PSTPIP2: variants seen among roughly 807,000 people sequenced by gnomAD.
The protein encoded by PSTPIP2 is proline-serine-threonine phosphatase interacting protein 2.
PSTPIP2 carries 33 observed loss-of-function variants against 63.3 expected under a neutral mutation model. That is an observed-to-expected ratio of 0.52 (90% CI 0.40 to 0.70). The LOEUF is 0.70. Among genes scored for constraint, PSTPIP2 ranks in the 30% least tolerant of loss-of-function variants. PSTPIP2 has a pLI of 0.00. For missense variants in PSTPIP2, 312 were observed against 400.7 expected, an observed-to-expected ratio of 0.78 and a Z score of 1.89; for synonymous variants, 125 against 132.7, an observed-to-expected ratio of 0.94 and a Z score of 0.40.
rs538783047 is a variant in PSTPIP2, at chr18:46,063,507, G to C, written c.33+8649C>G. Reference sequence around the variant, plus strand: ...GCACACACATTCTTTGGCTTGAAAGGAGCCAAACTGGGAATCAAACCCGGG... The same window carrying C: ...GCACACACATTCTTTGGCTTGAAAGCAGCCAAACTGGGAATCAAACCCGGG... On this transcript the variant is annotated intron_variant, in intron 1 of 14. Coordinates refer to ENST00000409746, the MANE Select transcript of PSTPIP2 (RefSeq NM_024430.4). 2.0e-5 allele frequency among the ~76,000 whole-genome samples: 3 copies of C among 152,160 alleles called. No individual in the cohort carries two copies. The East Asian group carries it at 5.8e-4, about 29-fold the overall frequency.
rs538331434 is a variant in PSTPIP2 at position 45,999,362 on chromosome 18, T to G, written c.516+74A>C. 11 of 1,370,010 alleles carry G rather than the reference T, an allele frequency of 8.0e-6. No homozygotes were observed. In the African/African-American group the frequency reaches 1.6e-4, roughly 20 times the overall value. 84.9% of individuals were successfully genotyped at this position (1,370,010 alleles called of 1,614,324 possible). A position where few individuals can be genotyped will look rare whatever the true frequency, so the allele number is the denominator to read the frequency against. On this transcript the variant is annotated intron_variant, in intron 7 of 14. Transcript: ENST00000409746. The stretch of plus-strand genomic sequence containing the variant: ...GTTTAGGATACAGGTTCATTTCTTA[T>G]GAAGATTCATAATTGGCTTTAGCCT...
intron 10 of PSTPIP2, among the ~76,000 whole-genome samples, chr18:45,992,557 C>T (rs1435488196): frequency 2.2e-5 from 3 of 139,300 alleles, no homozygotes; most frequent in Non-Finnish European, 4.5e-5. Context: ...TGCGAGACTC[C>T]GTCTCAAAAA....
At chr18:46,028,753 TAAG>T (rs1196358413) in intron 2 of PSTPIP2, 5 of 1,003,624 alleles carry the variant, frequency 5.0e-6, no homozygotes, top group African/African-American at 3.2e-5. Flanking sequence ...GAAGCGACTT[TAAG>T]AAGAATTCCA....
intron 1 of PSTPIP2, among the ~76,000 whole-genome samples, chr18:46,066,895 C>CAG (rs1568235181): frequency 6.6e-6 from 1 of 151,970 alleles, no homozygotes; most frequent in African/African-American, 2.4e-5. Context: ...GGCGTGGTGG[C>CAG]GCATGCCTGT....
At chr18:46,000,759 G>A (rs1020024802) in intron 6 of PSTPIP2, among the ~76,000 whole-genome samples, 2 of 152,194 alleles carry the variant, frequency 1.3e-5, no homozygotes, top group Non-Finnish European at 2.9e-5. Flanking sequence ...CAGTATTATG[G>A]AAACAGATCA....
At chr18:46,069,656 T>A (rs972172223) in intron 1 of PSTPIP2, among the ~76,000 whole-genome samples, 3 of 152,248 alleles carry the variant, frequency 2.0e-5, no homozygotes, top group Non-Finnish European at 4.4e-5. Flanking sequence ...TCATGAAGCA[T>A]TTAAATACAT....
intron 3 of PSTPIP2, among the ~76,000 whole-genome samples, chr18:46,018,145 T>C (rs1027388718): frequency 7.2e-5 from 11 of 152,342 alleles, no homozygotes; most frequent in Non-Finnish European, 1.2e-4. Context: ...CTATACATAC[T>C]TGTTTTTTAG....
Position 45,985,333 on chromosome 18 carries a change from A to T in PSTPIP2, c.*126T>A. ...TACCATAAATTTTAAATCTCTAAAA[A>T]ATTATAGCAAGGGTTCACTTCAAAG... On this transcript the variant is annotated 3_prime_UTR_variant, in exon 15 of 15. Coordinates refer to ENST00000409746, the MANE Select transcript of PSTPIP2 (RefSeq NM_024430.4). 1 of 1,356,332 alleles carries T rather than the reference A, an allele frequency of 7.4e-7. No individual in the cohort carries two copies. The highest frequency in any genetic ancestry group is 1.0e-6 in the Non-Finnish European group (1 of 979,698). The allele number at this position is 1,356,332 out of a possible 1,614,324, so 84.0% of individuals were successfully genotyped here.
At chr18:46,002,306 A>G (rs2051676463) in intron 6 of PSTPIP2, among the ~76,000 whole-genome samples, 1 of 152,210 alleles carries the variant, frequency 6.6e-6, no homozygotes, top group African/African-American at 2.4e-5. Flanking sequence ...AAATAATGAC[A>G]TAAAGCTGGG....
At chr18:46,015,809 T>C in intron 4 of PSTPIP2, 94 bp downstream of exon 4, 1 of 1,397,592 alleles carries the variant, frequency 7.2e-7, no homozygotes, top group Non-Finnish European at 9.8e-7. Context: ...TCACCCACTA[T>C]GAAACTGCTG....
chr18:46,012,155 A>C (rs1351821062), intron 4 of PSTPIP2, among the ~76,000 whole-genome samples: 1 of 152,226 alleles, frequency 6.6e-6, no homozygotes, highest in Non-Finnish European at 1.5e-5. Context: ...ACCCAGCCTT[A>C]AAACTACTGA....
intron 9 of PSTPIP2, among the ~76,000 whole-genome samples, chr18:45,994,437 A>G (rs1248086942): frequency 6.6e-6 from 1 of 152,208 alleles, no homozygotes; most frequent in Admixed American, 6.5e-5. Flanking sequence ...AGGTATAGCT[A>G]TAAGTGGTTC....
chr18:46,009,360 T>A (rs1314141107), intron 5 of PSTPIP2, among the ~76,000 whole-genome samples: 19 of 83,974 alleles, frequency 2.3e-4, no homozygotes, highest in Non-Finnish European at 3.8e-4. Flanking sequence ...AGTTTTATGG[T>A]GTAAAAAAAA....
chr18:46,008,167 T>C (rs1336326452), intron 5 of PSTPIP2, among the ~76,000 whole-genome samples: 1 of 151,862 alleles, frequency 6.6e-6, no homozygotes, highest in African/African-American at 2.4e-5. Context: ...AACACAACTA[T>C]CTCTGCCATA....
intron 12 of PSTPIP2, 89 bp downstream of exon 12, chr18:45,991,813 T>C (rs191536491): frequency 3.1e-6 from 4 of 1,271,688 alleles, no homozygotes; most frequent in Admixed American, 4.4e-5. Flanking sequence ...GTAGTAGATA[T>C]GTTCCAATTC....
At chr18:45,991,403 A>T (rs2051531051) in intron 12 of PSTPIP2, among the ~76,000 whole-genome samples, 1 of 152,218 alleles carries the variant, frequency 6.6e-6, no homozygotes, top group Non-Finnish European at 1.5e-5. Context: ...CTCTAGTGGC[A>T]AAGCAGCCAT....
intron 9 of PSTPIP2, among the ~76,000 whole-genome samples, chr18:45,995,397 C>T (rs1029947701): frequency 1.3e-5 from 2 of 152,126 alleles, no homozygotes; most frequent in African/African-American, 4.8e-5. Flanking sequence ...GCCACCGCAC[C>T]TGGCCTTTAT....
rs2144101177 is a variant in PSTPIP2, at chr18:46,029,406, T to A, written c.135-4720A>T. The A allele has an allele frequency of 7.4e-6, 11 of 1,495,396 alleles. No individual in the cohort carries two copies. In the South Asian group the frequency reaches 1.2e-4, roughly 17 times the overall value. 92.6% of individuals were successfully genotyped at this position (1,495,396 alleles called of 1,614,324 possible). On this transcript the variant is annotated intron_variant, in intron 2 of 14. Coordinates refer to ENST00000409746, the MANE Select transcript of PSTPIP2 (RefSeq NM_024430.4). ...AGATAGTAAGAAAGTATATGCCTCTTCGGGGATGGAGAAGTTTATGTTTGG... is the reference window on the plus strand; with the variant it reads ...AGATAGTAAGAAAGTATATGCCTCTACGGGGATGGAGAAGTTTATGTTTGG...
At chr18:45,998,629 CT>C (rs1049520814) in intron 8 of PSTPIP2, among the ~76,000 whole-genome samples, 164 bp downstream of exon 8, 15 of 152,082 alleles carry the variant, frequency 9.9e-5, no homozygotes, top group Non-Finnish European at 1.8e-4. Context: ...TCCTTACTCT[CT>C]CCCTTCCTTC....
Sources: allele counts gnomAD v4.1 joint callset (sites outside exome capture counted in the v4.1 genomes callset), GRCh38; gene constraint gnomAD v4.1.1; transcripts MANE v1.5; gene names NCBI Gene and HGNC (gene_info 2026-07-23, HGNC 2026-07-21).